The following GALNT14 variants were observed in gnomAD, a reference collection of about 807,000 sequenced individuals.
GALNT14 encodes polypeptide N-acetylgalactosaminyltransferase 14.
GALNT14 carries 60 observed loss-of-function variants against 77.5 expected under a neutral mutation model. The ratio of observed to expected loss-of-function variants is 0.77; its 90% CI spans 0.63 to 0.96. The LOEUF (loss-of-function observed/expected upper bound fraction) is 0.96, where lower values mean the gene tolerates loss of function less well. GALNT14 is among the 40% of genes least tolerant of loss of function. The pLI is 0.00. For missense variants in GALNT14, 710 were observed against 731.0 expected, an observed-to-expected ratio of 0.97 and a Z score of 0.33; for synonymous variants, 280 against 281.7, an observed-to-expected ratio of 0.99 and a Z score of 0.06.
At chr2:30,942,879 T>C (rs1354128985) in intron 8 of GALNT14, among the ~76,000 whole-genome samples, 1 of 152,206 alleles carries the variant, frequency 6.6e-6, no homozygotes. Context: ...TATCTTAGAA[T>C]GTGACTGTAA....
chr2:30,965,295 G>T (rs544011665), intron 3 of GALNT14, among the ~76,000 whole-genome samples: 1 of 152,296 alleles, frequency 6.6e-6, no homozygotes, highest in African/African-American at 2.4e-5. Flanking sequence ...TGTGAAGTGG[G>T]CGTGGCAGTG....
At chr2:30,975,429 T>C (rs1181354311) in intron 2 of GALNT14, among the ~76,000 whole-genome samples, 2 of 152,236 alleles carry the variant, frequency 1.3e-5, no homozygotes, top group Admixed American at 1.3e-4. Flanking sequence ...TGAATGGAGA[T>C]ATGCTGTAAA....
At chr2:31,022,168 T>C (rs1671761361) in intron 1 of GALNT14, among the ~76,000 whole-genome samples, 1 of 151,910 alleles carries the variant, frequency 6.6e-6, no homozygotes, top group Admixed American at 6.6e-5. Context: ...GGATGGGAAG[T>C]GGGGGTCAGA....
chr2:31,066,360 A>G (rs1186407991), intron 1 of GALNT14, among the ~76,000 whole-genome samples: 1 of 143,726 alleles, frequency 7.0e-6, no homozygotes, highest in Non-Finnish European at 1.5e-5. Flanking sequence ...CGACAGGGCC[A>G]TTACTCACCC....
intron 1 of GALNT14, among the ~76,000 whole-genome samples, chr2:31,129,974 A>C (rs1384975160): frequency 1.3e-5 from 2 of 152,172 alleles, no homozygotes; most frequent in Non-Finnish European, 2.9e-5. Context: ...ATCATTAGGA[A>C]GAAGACAGCC....
In GALNT14 at chr2:30,929,441, A is replaced by G. The variant is rs1360772491; in HGVS notation, c.1105T>C (p.Tyr369His). ...GCGAATGGCCGGGCAGCGTAATAGT[A>G]TTGCTTGTATTCATCCATCCACACT... is the stretch of plus-strand genomic sequence containing the variant. Reference protein sequence around the residue: ...AEVWMDEYKQYYYAARPFALE... With the variant: ...AEVWMDEYKQHYYAARPFALE... The change falls in exon 11 of 15, where the codon TAC (tyrosine) becomes CAC (histidine). Residue 369 changes from tyrosine to histidine, a missense_variant. Transcript: ENST00000349752. The G allele has an allele frequency of 1.9e-6, 3 of 1,614,040 alleles. No individual in the cohort carries two copies. The highest frequency in any genetic ancestry group is 3.3e-5 in the Admixed American group (2 of 60,010).
At chr2:30,999,935 TC>T (rs997409161) in intron 1 of GALNT14, among the ~76,000 whole-genome samples, 19 of 152,254 alleles carry the variant, frequency 1.2e-4, no homozygotes, top group Admixed American at 4.6e-4. Flanking sequence ...CCTTTCATGC[TC>T]CTCCCCAAGA....
At chr2:31,078,840 G>T in intron 1 of GALNT14, 1 of 1,120,428 alleles carries the variant, frequency 8.9e-7, no homozygotes, top group Non-Finnish European at 1.2e-6. Context: ...TATAGGCCTG[G>T]GAGAACCCAG....
chr2:31,010,380 A>C (rs1035064206), intron 1 of GALNT14, among the ~76,000 whole-genome samples: 1 of 152,196 alleles, frequency 6.6e-6, no homozygotes, highest in African/African-American at 2.4e-5. Context: ...CGGGCAGATC[A>C]CGAGGTCAGG....
intron 1 of GALNT14, among the ~76,000 whole-genome samples, chr2:31,120,872 A>G (rs1253609842): frequency 1.3e-5 from 2 of 152,214 alleles, no homozygotes; most frequent in African/African-American, 4.8e-5. Context: ...ACAATTTTGA[A>G]TCCTCTTTGT....
In GALNT14 at chr2:30,920,468, G is replaced by A. The variant is rs1664961509; in HGVS notation, c.1380+3651C>T. On this transcript the variant is annotated intron_variant, in intron 13 of 14. Coordinates refer to ENST00000349752, the MANE Select transcript of GALNT14 (RefSeq NM_024572.4). ...AAGTAGGAGGACAGAGGTAGGAAGAGGTGATGGGGGCAAAGCAGCCATAAG... is the reference window on the plus strand; with the variant it reads ...AAGTAGGAGGACAGAGGTAGGAAGAAGTGATGGGGGCAAAGCAGCCATAAG... 2.0e-5 allele frequency among the ~76,000 whole-genome samples: 3 copies of A among 152,156 alleles called. No individual in the cohort carries two copies. The South Asian group carries it at 6.2e-4, about 32-fold the overall frequency.
At chr2:30,994,147 T>G (rs1051961617) in intron 1 of GALNT14, among the ~76,000 whole-genome samples, 2 of 152,140 alleles carry the variant, frequency 1.3e-5, no homozygotes, top group African/African-American at 2.4e-5. Context: ...GATTGGAACA[T>G]GAGGGTTGTT....
At chr2:30,891,969 A>AT in the GALNT14 span, among the ~76,000 whole-genome samples, 1 of 152,220 alleles carries the variant, frequency 6.6e-6, no homozygotes, top group Non-Finnish European at 1.5e-5. Context: ...AAACCAATAG[A>AT]TTGTTCGCTA....
chr2:31,138,141 C>CCCCT lies in GALNT14; in HGVS notation c.-56_-55insAGGG. The CCCCT allele has an allele frequency of 6.2e-7, 1 of 1,610,724 alleles. No homozygotes were observed. On this transcript the variant is annotated 5_prime_UTR_variant, in exon 1 of 15. Coordinates refer to ENST00000349752, the MANE Select transcript of GALNT14 (RefSeq NM_024572.4). The stretch of plus-strand genomic sequence containing the variant: ...GCTACGTCCCGGGGGCACCCCCCGG[C>CCCCT]GGTCAGGGTTGGCGGGGCAGGAGTC...
chr2:30,904,611 C>T, the GALNT14 span, among the ~76,000 whole-genome samples: 5 of 152,346 alleles, frequency 3.3e-5, no homozygotes, highest in South Asian at 1.0e-3. Context: ...GATCAAACTG[C>T]AAGGCAGCAG....
At chr2:31,085,984 C>T (rs1558559453) in intron 1 of GALNT14, among the ~76,000 whole-genome samples, 1 of 152,226 alleles carries the variant, frequency 6.6e-6, no homozygotes, top group Non-Finnish European at 1.5e-5. Context: ...ACCATCAGAT[C>T]TCATGAGACT....
chr2:31,076,953 C>G (rs1279749696), intron 1 of GALNT14, among the ~76,000 whole-genome samples: 3 of 152,158 alleles, frequency 2.0e-5, no homozygotes. Flanking sequence ...GAATTTTGCA[C>G]AATGCCACTC....
chr2:30,945,234 A>G (rs1173713718), intron 7 of GALNT14, among the ~76,000 whole-genome samples: 1 of 152,214 alleles, frequency 6.6e-6, no homozygotes, highest in Admixed American at 6.5e-5. Flanking sequence ...GCCGAGGATG[A>G]CAGGATGGAC....
At chr2:30,907,509 G>A (rs983930211), downstream of GALNT14, among the ~76,000 whole-genome samples, 53 of 152,146 alleles carry the variant, frequency 3.5e-4, no homozygotes, top group Middle Eastern at 3.2e-3. Flanking sequence ...GACTAAACCA[G>A]GAAGAAGTTG....
Sources: allele counts gnomAD v4.1 joint callset (sites outside exome capture counted in the v4.1 genomes callset), GRCh38; gene constraint gnomAD v4.1.1; transcripts MANE v1.5; gene names NCBI Gene and HGNC (gene_info 2026-07-23, HGNC 2026-07-21).